The following WDR11 variants were observed in gnomAD, a reference collection of about 807,000 sequenced individuals.
The protein encoded by WDR11 is WD repeat-containing protein 11.
In WDR11, 83 loss-of-function variants were observed where a neutral mutation model predicts 151.2. The observed-to-expected ratio is 0.55, with a 90% confidence interval of 0.46 to 0.66. WDR11 has a LOEUF of 0.66. WDR11 is among the 30% of genes least tolerant of loss of function. The probability of loss-of-function intolerance (pLI) is 0.00; values close to 1 mark genes in which losing one functional copy is unlikely to be tolerated. For missense variants in WDR11, 1,301 were observed against 1,480.9 expected, an observed-to-expected ratio of 0.88 and a Z score of 1.99; for synonymous variants, 484 against 533.1, an observed-to-expected ratio of 0.91 and a Z score of 1.27.
At chr10:120,883,660 A>G in intron 13 of WDR11, 120 bp from the exon 14 acceptor site, 2 of 786,060 alleles carry the variant, frequency 2.5e-6, no homozygotes, top group Middle Eastern at 2.8e-4. Flanking sequence ...TGGTAGTTTA[A>G]ATTGTCTATA....
chr10:120,906,550 T>G, intron 27 of WDR11: 1 of 1,398,306 alleles, frequency 7.2e-7, no homozygotes, highest in Non-Finnish European at 9.3e-7. Context: ...GTATTTAAAC[T>G]ATTTCACAAT....
chr10:120,856,427 T>G (rs1210374992), intron 2 of WDR11, among the ~76,000 whole-genome samples: 5 of 152,056 alleles, frequency 3.3e-5, no homozygotes, highest in African/African-American at 1.2e-4. Context: ...ATACAAAAAT[T>G]AGCCAGGCGT....
At chr10:120,867,265 A>C in intron 9 of WDR11, 96 bp downstream of exon 9, 1 of 906,878 alleles carries the variant, frequency 1.1e-6, no homozygotes, top group Non-Finnish European at 1.8e-6. Flanking sequence ...AAGTCAAAAA[A>C]GTTAATACTT....
intron 15 of WDR11, 44 bp from the exon 16 acceptor site, chr10:120,886,644 AG>A: frequency 6.3e-7 from 1 of 1,580,720 alleles, no homozygotes. Flanking sequence ...GTATCACTCT[AG>A]GGGAAAAAAA....
intron 19 of WDR11, among the ~76,000 whole-genome samples, chr10:120,895,781 A>G (rs1355502775): frequency 6.6e-6 from 1 of 152,210 alleles, no homozygotes. Flanking sequence ...AGAGAAAAAT[A>G]CAAATTAAAA....
rs557389108 is a variant in WDR11 at position 120,908,353 on chromosome 10, C to T, written c.3518-203C>T. On this transcript the variant is annotated intron_variant, in intron 28 of 28. Coordinates refer to ENST00000263461, the MANE Select transcript of WDR11 (RefSeq NM_018117.12). ...GTACGAAAGGTAATGATGGTACAGA[C>T]TGAGACATGGCCTACTATGGCCGGG... 4.1e-4 allele frequency: 250 copies of T among 614,936 alleles called. 2 individuals are homozygous for T. Among genetic ancestry groups the T allele is most frequent in the South Asian group, 3.6e-3 (196 of 55,030 alleles). The allele number at this position is 614,936 out of a possible 1,614,324, so 38.1% of individuals were successfully genotyped here.
At chr10:120,902,135 T>C in intron 21 of WDR11, 122 bp from the exon 22 acceptor site, 11 of 829,514 alleles carry the variant, frequency 1.3e-5, no homozygotes, top group Non-Finnish European at 2.3e-5. Context: ...CCTTGTCTTG[T>C]GTAAATTCTA....
rs778731385 is a variant in WDR11, at chr10:120,890,762, G to C, written c.2390G>C (p.Arg797Pro). Residue 797 changes from arginine to proline, a missense_variant, in exon 19 of 29, where the codon CGT (arginine) becomes CCT (proline). Around this residue, in one of 3 missense-constraint regions of WDR11, gnomAD observed 589 missense variants for 670.6 expected, o/e 0.88. Coordinates refer to ENST00000263461, the MANE Select transcript of WDR11 (RefSeq NM_018117.12). ...AGAAGTGGCAGAAATGTGACCTTTC[G>C]TATATTGGATGTGGACTGGTGTACG... ...SLRSGRNVTF[R>P]ILDVDWCTSD... 6.2e-7 allele frequency: 1 copy of C among 1,614,140 alleles called. No homozygotes were observed. Among genetic ancestry groups the C allele is most frequent in the Non-Finnish European group, 8.5e-7 (1 of 1,180,024 alleles).
At chr10:120,856,575 C>CAAAAAAA (rs71019798) in intron 2 of WDR11, among the ~76,000 whole-genome samples, 1 of 101,926 alleles carries the variant, frequency 9.8e-6, no homozygotes, top group African/African-American at 4.1e-5. Flanking sequence ...ACTCTGTCTC[C>CAAAAAAA]AAAAAAAAAA....
intron 2 of WDR11, among the ~76,000 whole-genome samples, chr10:120,854,633 TTGTCCAAATCCTCACCAA>T (rs1444821270): frequency 6.6e-6 from 1 of 152,206 alleles, no homozygotes; most frequent in Admixed American, 6.5e-5. Flanking sequence ...GGAGTCTAAT[TTGTCCAAATCCTCACCAA>T]CGCTTGCTGT....
chr10:120,906,733 T>C (rs1400620267), intron 27 of WDR11, 43 bp from the exon 28 acceptor site: 6 of 1,613,994 alleles, frequency 3.7e-6, no homozygotes, highest in Middle Eastern at 1.6e-4. Context: ...CCACCAGTGA[T>C]GTAAATCACA....
At chr10:120,880,552 G>A (rs1846963280) in intron 12 of WDR11, 3 of 376,932 alleles carry the variant, frequency 8.0e-6, no homozygotes, top group Admixed American at 7.8e-5. Context: ...CCAGCTACTC[G>A]GGATGCTAAG....
intron 17 of WDR11, chr10:120,889,668 C>T (rs537774003): frequency 3.6e-6 from 2 of 548,656 alleles, no homozygotes; most frequent in African/African-American, 3.8e-5. Context: ...GGCCTTGAGC[C>T]AAGCATTCTT....
chr10:120,892,329 T>G (rs1332913322), intron 19 of WDR11, among the ~76,000 whole-genome samples: 1 of 152,206 alleles, frequency 6.6e-6, no homozygotes, highest in Non-Finnish European at 1.5e-5. Context: ...CAATCTCTAA[T>G]GTTACAGCCT....
intron 4 of WDR11, among the ~76,000 whole-genome samples, chr10:120,861,583 G>A (rs943472203): frequency 1.1e-4 from 17 of 152,332 alleles, no homozygotes; most frequent in South Asian, 4.1e-4. Flanking sequence ...TTACATCTCT[G>A]TAATTTGGTT....
Position 120,852,614 on chromosome 10 carries a change from G to A in WDR11, c.177G>A (p.Lys59=), listed in dbSNP as rs1196562089. ...ITAQTLQVLE[K]HKADVVKVKW... ...CCCAAACTCTTCAAGTTTTAGAAAA[G>A]CATAAAGCTGATGTTGTAAAGGTAA... The change falls in exon 2 of 29, where the codon AAG becomes AAA. Residue 59 remains lysine (K), a synonymous_variant. Coordinates refer to ENST00000263461, the MANE Select transcript of WDR11 (RefSeq NM_018117.12). 1.2e-6 allele frequency: 2 copies of A among 1,613,792 alleles called. No homozygotes were observed. The highest frequency in any genetic ancestry group is 2.7e-5 in the African/African-American group (2 of 74,914).
intron 14 of WDR11, among the ~76,000 whole-genome samples, chr10:120,885,396 C>CT (rs1176040931): frequency 6.6e-6 from 1 of 151,696 alleles, no homozygotes; most frequent in African/African-American, 2.4e-5. Flanking sequence ...GACTAAAAGG[C>CT]TTTACAATAG....
chr10:120,907,157 G>A, intron 28 of WDR11: 1 of 372,820 alleles, frequency 2.7e-6, no homozygotes, highest in Non-Finnish European at 5.1e-6. Flanking sequence ...GAATGATTTG[G>A]GAAACAGGTA....
Position 120,854,957 on chromosome 10 carries a change from A to G in WDR11, c.198+2322A>G, listed in dbSNP as rs567526577. Among the ~76,000 whole-genome samples, 4 of 152,218 alleles carry G rather than the reference A, an allele frequency of 2.6e-5. No homozygotes were observed. In the South Asian group the frequency reaches 8.3e-4, roughly 32 times the overall value. ...AGCCTGAAACCCTGGATAGTACTGA[A>G]CCCTATATATATTGTGCTTTTTCTC... is the stretch of plus-strand genomic sequence containing the variant. On this transcript the variant is annotated intron_variant, in intron 2 of 28. Coordinates refer to ENST00000263461, the MANE Select transcript of WDR11 (RefSeq NM_018117.12).
Sources: gnomAD v4.1 joint callset for allele counts (sites outside exome capture counted in the v4.1 genomes callset) on GRCh38, gnomAD v4.1.1 for gene constraint, gnomAD v4.1.1 regional missense constraint, MANE v1.5 for transcripts, NCBI Gene and HGNC (gene_info 2026-07-23, HGNC 2026-07-21) for gene names.